CLK2: variants seen among roughly 807,000 people sequenced by gnomAD.
CLK2 encodes dual specificity protein kinase CLK2.
In CLK2, 12 loss-of-function variants were observed where a neutral mutation model predicts 73.5. The ratio of observed to expected loss-of-function variants is 0.16; its 90% confidence interval spans 0.10 to 0.26. The LOEUF is 0.26. Among genes scored for constraint, CLK2 ranks in the 10% least tolerant of loss-of-function variants. The pLI is 1.00. For missense variants in CLK2, 509 were observed against 688.4 expected (o/e 0.74, Z 2.92); for synonymous variants, 232 against 237.9 (o/e 0.98, Z 0.23).
chr1:155,264,795 G>C (rs776210842), intron 8 of CLK2, 21 bp from the exon 9 acceptor site: 14 of 1,612,794 alleles, frequency 8.7e-6, no homozygotes, highest in Admixed American at 3.3e-5. Flanking sequence ...AGGAGAAAGA[G>C]GATGAACCTC....
rs1673340596 is a variant in CLK2, at chr1:155,268,612, A to AGAAAAGGCAAGAGGCTGAG, written c.487+95_487+96insCTCAGCCTCTTGCCTTTTC. On this transcript the variant is annotated intron_variant, in intron 4 of 12. Coordinates refer to ENST00000368361, the MANE Select transcript of CLK2 (RefSeq NM_001294338.2). This position sits in a 1 kb window ranked among gnomAD's most constrained non-coding sequence, Gnocchi z 5.6. Reference sequence around the variant, plus strand: ...ACCACCCAGATAAACAACACCACTGAGAAAAGGCAAGAGGCTGTGACTCAG... The same window carrying AGAAAAGGCAAGAGGCTGAG: ...ACCACCCAGATAAACAACACCACTGAGAAAAGGCAAGAGGCTGAGGAAAAGGCAAGAGGCTGTGACTCAG... 8.5e-7 allele frequency: 1 copy of AGAAAAGGCAAGAGGCTGAG among 1,181,808 alleles called. No homozygotes were observed. Among genetic ancestry groups the AGAAAAGGCAAGAGGCTGAG allele is most frequent in the South Asian group, 1.2e-5 (1 of 81,006 alleles). 73.2% of individuals were successfully genotyped at this position (1,181,808 alleles called of 1,614,324 possible).
Position 155,267,748 on chromosome 1 carries a change from T to A in CLK2, c.671+262A>T, listed in dbSNP as rs531704968. Among the ~76,000 whole-genome samples, 8 of 152,312 alleles carry A rather than the reference T, an allele frequency of 5.3e-5. No homozygotes were observed. In the South Asian group the frequency reaches 1.7e-3, roughly 32 times the overall value. On this transcript the variant is annotated intron_variant, in intron 6 of 12. Coordinates refer to ENST00000368361, the MANE Select transcript of CLK2 (RefSeq NM_001294338.2). ...CTCAGTCCTAGGGCTATGTCCAGGG[T>A]ATATCTCTACAGAAGCCATTCTAGG...
chr1:155,269,023 G>A, intron 3 of CLK2: 1 of 608,816 alleles, frequency 1.6e-6, no homozygotes, highest in East Asian at 2.8e-5. Context: ...GGAACAGGGA[G>A]AGGCATGGGC....
At position 155,264,063 on chromosome 1, in the gene CLK2, G is replaced by A. The variant is rs777779738; in HGVS notation, c.1227-23C>T. ...TTTCTAGAGGGGAAGGGGAGGTTGAGGAATCAGAAGGTCACCCTTGTTACA... is the reference window on the plus strand; with the variant it reads ...TTTCTAGAGGGGAAGGGGAGGTTGAAGAATCAGAAGGTCACCCTTGTTACA... On this transcript the variant is annotated intron_variant, in intron 11 of 12. Coordinates refer to ENST00000368361, the MANE Select transcript of CLK2 (RefSeq NM_001294338.2). 1.9e-5 allele frequency: 30 copies of A among 1,594,904 alleles called. No homozygotes were observed. The Middle Eastern group carries it at 5.0e-4, about 26-fold the overall frequency.
At chr1:155,266,941 T>A (rs1378614460) in intron 6 of CLK2, 46 bp from the exon 7 acceptor site, 1 of 1,598,014 alleles carries the variant, frequency 6.3e-7, no homozygotes, top group African/African-American at 1.3e-5. Flanking sequence ...TGAGCTCCCA[T>A]CTGCCCATCA....
chr1:155,268,489 A>G lies in CLK2; in HGVS notation c.488-130T>C. 3 of 821,800 alleles carry G rather than the reference A, an allele frequency of 3.7e-6. No individual in the cohort carries two copies. The highest frequency in any genetic ancestry group is 6.1e-6 in the Non-Finnish European group (3 of 488,832). The allele number at this position is 821,800 out of a possible 1,614,324, so 50.9% of individuals were successfully genotyped here. On this transcript the variant is annotated intron_variant, in intron 4 of 12. Transcript: ENST00000368361. The surrounding 1 kb of genome is among the most constrained non-coding windows in gnomAD (Gnocchi z 5.6). ...AAGGGGAACAGATACAGATGGTCAC[A>G]GGGGAAGAAAACCCCTGCGTGATTC...
intron 12 of CLK2, chr1:155,263,687 A>C (rs1272013989): frequency 1.0e-6 from 1 of 985,204 alleles, no homozygotes; most frequent in Non-Finnish European, 1.2e-6. Context: ...CTTCAAAGGT[A>C]GTTTATTCTT....
chr1:155,268,423 G>A lies in CLK2; in HGVS notation c.488-64C>T. ...GAGAAGGTGGGGAATGAGCTGAGTT[G>A]GAAGAAAAAAGGGGACAGCAACCTG... On this transcript the variant is annotated intron_variant, in intron 4 of 12. Coordinates refer to ENST00000368361, the MANE Select transcript of CLK2 (RefSeq NM_001294338.2). This position sits in a 1 kb window ranked among gnomAD's most constrained non-coding sequence, Gnocchi z 5.6. The A allele has an allele frequency of 7.0e-7, 1 of 1,428,366 alleles. No homozygotes were observed. Among genetic ancestry groups the A allele is most frequent in the Non-Finnish European group, 9.8e-7 (1 of 1,015,750 alleles). The allele number at this position is 1,428,366 out of a possible 1,614,324, so 88.5% of individuals were successfully genotyped here.
rs530202647 is a variant in CLK2, at chr1:155,266,657, G to A, written c.838+72C>T. The A allele has an allele frequency of 2.8e-5, 43 of 1,520,396 alleles. No individual in the cohort carries two copies. In the South Asian group the frequency reaches 5.1e-4, roughly 18 times the overall value. The allele number at this position is 1,520,396 out of a possible 1,614,324, so 94.2% of individuals were successfully genotyped here. ...AGCTGACTGTTTAGGGGCTTCACCAGTGCACAACCGACAGAGAGATCCAAT... is the reference window on the plus strand; with the variant it reads ...AGCTGACTGTTTAGGGGCTTCACCAATGCACAACCGACAGAGAGATCCAAT... On this transcript the variant is annotated intron_variant, in intron 7 of 12. Transcript: ENST00000368361.
In CLK2 at chr1:155,264,462, A is replaced by G. The variant is rs56127810; in HGVS notation, c.1146+6T>C. The G allele has an allele frequency of 3.8e-4, 607 of 1,613,730 alleles. 4 individuals carry two copies. The East Asian group carries it at 0.013, about 35-fold the overall frequency. On this transcript the variant is annotated splice_donor_region_variant and intron_variant, in intron 10 of 12. Transcript: ENST00000368361. ...AGGCAGTCAAGTAAGACATCCCATC[A>G]CTTACCTGGAAGAGGGTGAATCCCA... is the stretch of plus-strand genomic sequence containing the variant.
Position 155,263,121 on chromosome 1 carries a change from G to T in CLK2, c.*97C>A. The T allele has an allele frequency of 8.4e-7, 1 of 1,194,596 alleles. No homozygotes were observed. The highest frequency in any genetic ancestry group is 1.2e-6 in the Non-Finnish European group (1 of 869,004). 74.0% of individuals were successfully genotyped at this position (1,194,596 alleles called of 1,614,324 possible). On this transcript the variant is annotated 3_prime_UTR_variant, in exon 13 of 13. Coordinates refer to ENST00000368361, the MANE Select transcript of CLK2 (RefSeq NM_001294338.2). ...GTATATAGAGAGCCAGGAGGAAGGA[G>T]TGAACTCTGGCTCGTTCTCTTGTAT... is the stretch of plus-strand genomic sequence containing the variant.
At chr1:155,267,891 A>T in intron 6 of CLK2, 119 bp downstream of exon 6, 1 of 725,796 alleles carries the variant, frequency 1.4e-6, no homozygotes, top group Admixed American at 2.0e-5. Context: ...GATGATGAAC[A>T]AAAGATGAAT....
chr1:155,270,846 C>T lies in CLK2; in HGVS notation c.132G>A (p.Arg44=). Residue 44 remains arginine, a synonymous_variant, in exon 2 of 13, where the codon CGG becomes CGA. Coordinates refer to ENST00000368361, the MANE Select transcript of CLK2 (RefSeq NM_001294338.2). ...SWSSSSDRTR[R]RRREDSYHVR... ...CATGGTAGCTGTCCTCTCGCCGACG[C>T]CGTCGTGTCCGGTCACTACTACTTG... The T allele has an allele frequency of 6.2e-7, 1 of 1,613,116 alleles. No homozygotes were observed. Among genetic ancestry groups the T allele is most frequent in the Admixed American group, 1.7e-5 (1 of 60,014 alleles).
rs771370441 is a variant in CLK2, at chr1:155,270,861, A to G, written c.117T>C (p.Ser39=). 1 of 1,614,166 alleles carries G rather than the reference A, an allele frequency of 6.2e-7. No homozygotes were observed. Among genetic ancestry groups the G allele is most frequent in the Non-Finnish European group, 8.5e-7 (1 of 1,179,990 alleles). ...RRRSRSWSSS[S]DRTRRRRRED... ...CTCGCCGACGCCGTCGTGTCCGGTC[A>G]CTACTACTTGACCAGGAGCGACTTC... The change falls in exon 2 of 13, where the codon AGT becomes AGC. Residue 39 remains serine (S), a synonymous_variant. Transcript: ENST00000368361.
chr1:155,264,370 A>C (rs1673130691), intron 10 of CLK2, 70 bp from the exon 11 acceptor site: 1 of 1,602,596 alleles, frequency 6.2e-7, no homozygotes, highest in Admixed American at 1.7e-5. Context: ...CCAGGAAGGC[A>C]GGCAATGTGG....
At position 155,269,708 on chromosome 1, in the gene CLK2, T is replaced by C; in HGVS notation, c.179A>G (p.Asp60Gly). 6.2e-7 allele frequency: 1 copy of C among 1,614,072 alleles called. No homozygotes were observed. The change falls in exon 3 of 13, where the codon GAT becomes GGT. Residue 60 changes from aspartate to glycine, a missense_variant. This residue lies in a region of CLK2 where 222 missense variants were observed against 221.7 expected (regional missense o/e 1.00). Transcript: ENST00000368361. ...SYHVRSRSSY[D>G]DRSSDRRVYD... ...CACCCTCCGGTCGGACGAACGATCA[T>C]CATAACTGCTGTTGGATAACAAATA... is the stretch of plus-strand genomic sequence containing the variant.
At chr1:155,270,243 T>C (rs2148145135) in intron 2 of CLK2, among the ~76,000 whole-genome samples, 1 of 151,538 alleles carries the variant, frequency 6.6e-6, no homozygotes, top group South Asian at 2.1e-4. Context: ...TGATGGCGCA[T>C]GCCTGTAGTC....
rs1219438701 is a variant in CLK2, at chr1:155,263,032, A to G, written c.*186T>C. On this transcript the variant is annotated 3_prime_UTR_variant, in exon 13 of 13. Transcript: ENST00000368361. ...GTGTGGATGGAATAGTATTATGTACAAGGCAGGGGTTGAAGTGATAGGTAC... is the reference window on the plus strand; with the variant it reads ...GTGTGGATGGAATAGTATTATGTACGAGGCAGGGGTTGAAGTGATAGGTAC... 6 of 609,972 alleles carry G rather than the reference A, an allele frequency of 9.8e-6. No individual in the cohort carries two copies. The highest frequency in any genetic ancestry group is 7.4e-5 in the African/African-American group (4 of 54,226). 37.8% of individuals were successfully genotyped at this position (609,972 alleles called of 1,614,324 possible).
rs1459763850 is a variant in CLK2, at chr1:155,269,664, C to G, written c.223G>C (p.Gly75Arg). The change falls in exon 3 of 13, where the codon GGC becomes CGC. Residue 75 changes from glycine (G) to arginine (R), a missense_variant. Gly to Arg is a moderately radical substitution (Grantham distance 125, BLOSUM62 -2). Coordinates refer to ENST00000368361, the MANE Select transcript of CLK2 (RefSeq NM_001294338.2). ...CTATAATCGTTGCGTCTGTAGCTGC[C>G]ACAGTATCGCCGGTCATACACCCTC... The part of the protein sequence containing the change: ...DRRVYDRRYC[G>R]SYRRNDYSRD... 4.3e-6 allele frequency: 7 copies of G among 1,614,106 alleles called. No individual in the cohort carries two copies. Among genetic ancestry groups the G allele is most frequent in the Non-Finnish European group, 5.9e-6 (7 of 1,180,044 alleles).
Sources: allele counts gnomAD v4.1 joint callset (sites outside exome capture counted in the v4.1 genomes callset), GRCh38; gene constraint gnomAD v4.1.1; regional missense constraint gnomAD v4.1.1; non-coding constraint Gnocchi (gnomAD v3.1); transcripts MANE v1.5; gene names NCBI Gene and HGNC (gene_info 2026-07-23, HGNC 2026-07-21).